Variants in CLEC16A observed in about 807,000 individuals in gnomAD.
CLEC16A encodes the protein protein CLEC16A.
A neutral mutation model predicts 109.5 loss-of-function variants in CLEC16A; 51 were observed. The observed-to-expected ratio is 0.47, with a 90% confidence interval of 0.37 to 0.59. CLEC16A has a LOEUF of 0.59. CLEC16A is among the 20% of genes least tolerant of loss of function. The probability of loss-of-function intolerance (pLI) is 0.00; values close to 1 mark genes in which losing one functional copy is unlikely to be tolerated. For synonymous variants in CLEC16A, 673 were observed against 564.2 expected, an observed-to-expected ratio of 1.19 and a Z score of -2.73; for missense variants, 1,339 against 1,394.0, an observed-to-expected ratio of 0.96 and a Z score of 0.63.
chr16:11,089,763 G>T (rs1433482800), intron 19 of CLEC16A, among the ~76,000 whole-genome samples: 1 of 152,242 alleles, frequency 6.6e-6, no homozygotes, highest in Non-Finnish European at 1.5e-5. Context: ...GCATCTGTAA[G>T]AATGATAGGG....
intron 18 of CLEC16A, among the ~76,000 whole-genome samples, chr16:11,053,107 C>T (rs1220233522): frequency 6.6e-6 from 1 of 152,072 alleles, no homozygotes; most frequent in Admixed American, 6.5e-5. Flanking sequence ...CCCAAGTTAG[C>T]CTTGAACTCC....
chr16:10,979,733 G>A (rs1365291927), intron 9 of CLEC16A, among the ~76,000 whole-genome samples: 1 of 152,142 alleles, frequency 6.6e-6, no homozygotes, highest in African/African-American at 2.4e-5. Flanking sequence ...AGCTTTGAAT[G>A]AAGCCCCACA....
At chr16:10,963,500 C>G (rs1219340637) in intron 3 of CLEC16A, among the ~76,000 whole-genome samples, 2 of 152,186 alleles carry the variant, frequency 1.3e-5, no homozygotes, top group Middle Eastern at 3.2e-3. Context: ...GCTGAATCAT[C>G]AGCCAATGGA....
chr16:11,011,740 A>G (rs1023207506), intron 11 of CLEC16A, among the ~76,000 whole-genome samples: 1 of 152,202 alleles, frequency 6.6e-6, no homozygotes, highest in Non-Finnish European at 1.5e-5. Context: ...ATATGTGCCT[A>G]CATATACATA....
intron 23 of CLEC16A, among the ~76,000 whole-genome samples, chr16:11,176,842 C>G (rs1054507775): frequency 2.6e-4 from 40 of 152,366 alleles, no homozygotes; most frequent in African/African-American, 9.6e-4. Flanking sequence ...CAGTCTGTCT[C>G]TCGTGCTTTC....
At chr16:10,971,279 C>CA (rs1567521633) in intron 5 of CLEC16A, 49 bp downstream of exon 5, 1 of 1,317,154 alleles carries the variant, frequency 7.6e-7, no homozygotes. Flanking sequence ...GACTTGGCAG[C>CA]AAGCACTCAC....
intron 19 of CLEC16A, among the ~76,000 whole-genome samples, chr16:11,074,191 G>C (rs1183800118): frequency 6.6e-6 from 1 of 151,668 alleles, no homozygotes; most frequent in Non-Finnish European, 1.5e-5. Context: ...CCCACTTTGA[G>C]GCAGGCACCC....
chr16:11,064,460 G>A (rs1167168551), intron 19 of CLEC16A, among the ~76,000 whole-genome samples: 2 of 152,232 alleles, frequency 1.3e-5, no homozygotes, highest in Non-Finnish European at 2.9e-5. Context: ...TCATGCCTGT[G>A]AGGCTCAGTA....
At position 10,954,796 on chromosome 16, in the gene CLEC16A, C is replaced by T. The variant is rs568925508; in HGVS notation, c.81-2986C>T. Reference sequence around the variant, plus strand: ...CTGGTTTCGCTGAACCTTCCCATCACGACTCCTGCCCTGAAGCCCTCTTTC... The same window carrying T: ...CTGGTTTCGCTGAACCTTCCCATCATGACTCCTGCCCTGAAGCCCTCTTTC... On this transcript the variant is annotated intron_variant, in intron 1 of 23. Transcript: ENST00000409790. The surrounding 1 kb of genome is among the most constrained non-coding windows in gnomAD (Gnocchi z 4.2). Among the ~76,000 whole-genome samples, 3 of 152,334 alleles carry T rather than the reference C, an allele frequency of 2.0e-5. No homozygotes were observed. Among genetic ancestry groups the T allele is most frequent in the Admixed American group, 6.5e-5 (1 of 15,308 alleles).
At chr16:11,035,117 T>A (rs993941073) in intron 13 of CLEC16A, among the ~76,000 whole-genome samples, 5 of 152,352 alleles carry the variant, frequency 3.3e-5, no homozygotes, top group Non-Finnish European at 5.9e-5. Context: ...AGTACAGTGA[T>A]GGTCATGCAA....
intron 22 of CLEC16A, among the ~76,000 whole-genome samples, chr16:11,141,867 A>G (rs1483531237): frequency 6.6e-6 from 1 of 152,226 alleles, no homozygotes; most frequent in East Asian, 1.9e-4. Context: ...TTGTGATCTC[A>G]GTAACCGCAG....
chr16:11,147,130 GCCCACAGGCTGCCCAATC>G (rs1344756334), intron 22 of CLEC16A, among the ~76,000 whole-genome samples: 2 of 151,904 alleles, frequency 1.3e-5, no homozygotes, highest in Admixed American at 6.6e-5. Flanking sequence ...TGATGTCTCA[GCCCACAGGCTGCCCAATC>G]CCCAAGGAAT....
At position 11,101,654 on chromosome 16, in the gene CLEC16A, A is replaced by C. The variant is rs141968238; in HGVS notation, c.2117-18961A>C. Reference sequence around the variant, plus strand: ...GTGTGCCTGGCCATGAGCAGTGAACAAAAATGACAAAAATCCTTGCCCTCA... The same window carrying C: ...GTGTGCCTGGCCATGAGCAGTGAACCAAAATGACAAAAATCCTTGCCCTCA... On this transcript the variant is annotated intron_variant, in intron 19 of 23. Transcript: ENST00000409790. 5.9e-5 allele frequency among the ~76,000 whole-genome samples: 9 copies of C among 152,350 alleles called. No individual in the cohort carries two copies. The East Asian group carries it at 1.7e-3, about 29-fold the overall frequency.
intron 22 of CLEC16A, among the ~76,000 whole-genome samples, chr16:11,144,042 T>C (rs2053951939): frequency 6.6e-6 from 1 of 152,212 alleles, no homozygotes; most frequent in South Asian, 2.1e-4. Context: ...TTCTAAGTCA[T>C]TGACCTTAAA....
intron 4 of CLEC16A, among the ~76,000 whole-genome samples, chr16:10,969,956 G>A (rs1245543046): frequency 1.3e-5 from 2 of 152,200 alleles, no homozygotes; most frequent in African/African-American, 4.8e-5. Flanking sequence ...TAAAAGCATA[G>A]ACGTTGCTAT....
chr16:11,107,174 T>A (rs929142115), intron 19 of CLEC16A, among the ~76,000 whole-genome samples: 3 of 152,164 alleles, frequency 2.0e-5, no homozygotes, highest in African/African-American at 7.2e-5. Context: ...TAACTGAATT[T>A]CAACAAATAC....
intron 19 of CLEC16A, among the ~76,000 whole-genome samples, chr16:11,095,676 G>T (rs1298388647): frequency 6.6e-6 from 1 of 152,124 alleles, no homozygotes; most frequent in Admixed American, 6.5e-5. Context: ...GCTGGGCGTG[G>T]TGGCAGGCTC....
intron 16 of CLEC16A, among the ~76,000 whole-genome samples, chr16:11,046,033 CACTTGGCCTCCAAGTG>C (rs1169580356): frequency 6.6e-6 from 1 of 152,110 alleles, no homozygotes; most frequent in Admixed American, 6.5e-5. Context: ...TCCCAAACCG[CACTTGGCCTCCAAGTG>C]AGGATACACC....
intron 19 of CLEC16A, among the ~76,000 whole-genome samples, chr16:11,099,717 T>A (rs1253911972): frequency 1.3e-5 from 2 of 152,174 alleles, no homozygotes; most frequent in Non-Finnish European, 2.9e-5. Flanking sequence ...AAAGCCCAGA[T>A]TTGTGTGGCT....
Sources: gnomAD v4.1 joint callset for allele counts (sites outside exome capture counted in the v4.1 genomes callset) on GRCh38, gnomAD v4.1.1 for gene constraint, Gnocchi (gnomAD v3.1) non-coding constraint, MANE v1.5 for transcripts, NCBI Gene and HGNC (gene_info 2026-07-23, HGNC 2026-07-21) for gene names.